The following CNTN4 variants were observed in gnomAD, a reference collection of about 807,000 sequenced individuals.
CNTN4 encodes the protein contactin-4.
A neutral mutation model predicts 122.5 loss-of-function variants in CNTN4; 77 were observed. The observed-to-expected ratio is 0.63, with a 90% CI of 0.52 to 0.76. The LOEUF (loss-of-function observed/expected upper bound fraction) is 0.76, where lower values mean the gene tolerates loss of function less well. Ranked by LOEUF, CNTN4 falls within the 30% of genes least tolerant of loss-of-function variation. The pLI is 0.00. For synonymous variants in CNTN4, 512 were observed against 447.0 expected (o/e 1.15, Z -1.83); for missense variants, 1,256 against 1,259.1 (o/e 1.00, Z 0.04).
At chr3:2,275,273 G>A (rs146255653) in intron 2 of CNTN4, among the ~76,000 whole-genome samples, 5 of 152,280 alleles carry the variant, frequency 3.3e-5, no homozygotes, top group African/African-American at 9.6e-5. Flanking sequence ...ATAAACCAGC[G>A]TTTAGAGATT....
chr3:2,981,006 A>G (rs1693911571), intron 13 of CNTN4, among the ~76,000 whole-genome samples: 14 of 152,184 alleles, frequency 9.2e-5, no homozygotes, highest in Admixed American at 9.2e-4. Context: ...AAACATGCCT[A>G]GTCCCAGGTA....
intron 4 of CNTN4, among the ~76,000 whole-genome samples, chr3:2,647,693 T>C (rs916689287): frequency 6.6e-6 from 1 of 152,150 alleles, no homozygotes; most frequent in African/African-American, 2.4e-5. Flanking sequence ...CTTTTACTTA[T>C]CTGTAAAAGG....
intron 4 of CNTN4, among the ~76,000 whole-genome samples, chr3:2,627,816 G>T (rs1198087035): frequency 6.6e-6 from 1 of 152,088 alleles, no homozygotes; most frequent in African/African-American, 2.4e-5. Flanking sequence ...CCCCACAAAT[G>T]CATCAAAGCT....
chr3:2,281,571 C>T (rs940651668), intron 2 of CNTN4, among the ~76,000 whole-genome samples: 8 of 152,066 alleles, frequency 5.3e-5, no homozygotes, highest in African/African-American at 1.9e-4. Context: ...CCTTCTGAAG[C>T]TCCCTGTCAT....
chr3:2,391,978 CTCATT>C (rs956615304), intron 3 of CNTN4, among the ~76,000 whole-genome samples: 7 of 152,266 alleles, frequency 4.6e-5, no homozygotes, highest in African/African-American at 1.7e-4. Flanking sequence ...TTTTATTCAA[CTCATT>C]TCATTCAATA....
intron 23 of CNTN4, among the ~76,000 whole-genome samples, chr3:3,049,053 G>A (rs1409804170): frequency 1.3e-5 from 2 of 152,140 alleles, no homozygotes; most frequent in Non-Finnish European, 1.5e-5. Flanking sequence ...CGTCTACTAA[G>A]CACTGTTCCA....
chr3:2,956,672 T>G (rs2094802272), intron 13 of CNTN4, among the ~76,000 whole-genome samples: 1 of 152,148 alleles, frequency 6.6e-6, no homozygotes, highest in Admixed American at 6.6e-5. Context: ...GTATATATTA[T>G]ATAATGATTA....
intron 5 of CNTN4, among the ~76,000 whole-genome samples, chr3:2,739,248 A>G (rs765068520): frequency 5.3e-5 from 8 of 152,150 alleles, no homozygotes; most frequent in Non-Finnish European, 1.0e-4. Context: ...GTTGGTGAAG[A>G]TGAAGAGCAA....
chr3:2,955,166 C>T (rs1324064802), intron 13 of CNTN4, among the ~76,000 whole-genome samples: 4 of 152,124 alleles, frequency 2.6e-5, no homozygotes, highest in Non-Finnish European at 5.9e-5. Context: ...AAGAGACAGC[C>T]AGGTGCTCAC....
intron 2 of CNTN4, among the ~76,000 whole-genome samples, chr3:2,291,752 GAGAT>G (rs2042143079): frequency 1.3e-5 from 2 of 151,534 alleles, no homozygotes; most frequent in Non-Finnish European, 2.9e-5. Context: ...AACTTTTTTT[GAGAT>G]AGAGTCTCGC....
chr3:2,755,918 G>A (rs576284540), intron 6 of CNTN4, among the ~76,000 whole-genome samples: 2 of 152,050 alleles, frequency 1.3e-5, no homozygotes, highest in South Asian at 4.2e-4. Context: ...ACTCCTTTTT[G>A]TTTCGTTGTT....
At chr3:2,885,082 A>G (rs1358016790) in intron 9 of CNTN4, among the ~76,000 whole-genome samples, 1 of 152,218 alleles carries the variant, frequency 6.6e-6, no homozygotes, top group East Asian at 1.9e-4. Flanking sequence ...AAACAAATAT[A>G]GTAGAGTTGA....
chr3:2,489,337 T>C (rs2076249627), intron 3 of CNTN4, among the ~76,000 whole-genome samples: 1 of 152,192 alleles, frequency 6.6e-6, no homozygotes. Context: ...AATGAAGCAA[T>C]GTAGTAGCTT....
At chr3:2,199,725 T>A (rs1435508643) in intron 2 of CNTN4, among the ~76,000 whole-genome samples, 2 of 152,134 alleles carry the variant, frequency 1.3e-5, no homozygotes. Flanking sequence ...GTAAATAACA[T>A]AGCATGTAAA....
intron 3 of CNTN4, among the ~76,000 whole-genome samples, chr3:2,374,421 AT>A (rs2045745239): frequency 6.6e-6 from 1 of 152,236 alleles, no homozygotes; most frequent in African/African-American, 2.4e-5. Flanking sequence ...CTCTGTGTAT[AT>A]TAAGAGTTTA....
Position 2,309,676 on chromosome 3 carries a change from A to G in CNTN4, c.-144-29502A>G, listed in dbSNP as rs192186737. On this transcript the variant is annotated intron_variant, in intron 2 of 24. Coordinates refer to ENST00000418658, the MANE Select transcript of CNTN4 (RefSeq NM_175607.3). The stretch of plus-strand genomic sequence containing the variant: ...GTGATGCTTGGTCTTTTAATATATG[A>G]GTGGAAATCAGAATTTTTAAGTTTT... Among the ~76,000 whole-genome samples the G allele has an allele frequency of 3.0e-3, 459 of 152,244 alleles. 4 individuals carry two copies. Among genetic ancestry groups the G allele is most frequent in the East Asian group, 5.8e-3 (30 of 5,190 alleles).
At chr3:2,730,713 T>C (rs1310692809) in intron 4 of CNTN4, among the ~76,000 whole-genome samples, 1 of 152,214 alleles carries the variant, frequency 6.6e-6, no homozygotes, top group Admixed American at 6.5e-5. Flanking sequence ...TACTTGCTCC[T>C]GTGGGCTTGA....
At chr3:2,275,919 C>CAAAAAAAAAAAAAAAAAAAA (rs767326367) in intron 2 of CNTN4, among the ~76,000 whole-genome samples, 2 of 107,060 alleles carry the variant, frequency 1.9e-5, no homozygotes, top group Non-Finnish European at 3.6e-5. Context: ...GACTCTGTCT[C>CAAAAAAAAAAAAAAAAAAAA]AAAAAAAAAA....
chr3:3,018,228 G>C (rs1165106405), intron 14 of CNTN4, among the ~76,000 whole-genome samples: 2 of 152,100 alleles, frequency 1.3e-5, no homozygotes, highest in African/African-American at 2.4e-5. Context: ...TATTAATTCA[G>C]GTTTTCTCCC....
Sources: allele counts gnomAD v4.1 joint callset (sites outside exome capture counted in the v4.1 genomes callset), GRCh38; gene constraint gnomAD v4.1.1; transcripts MANE v1.5; gene names NCBI Gene and HGNC (gene_info 2026-07-23, HGNC 2026-07-21).